The following SPECC1 variants were observed in gnomAD, a reference collection of about 807,000 sequenced individuals.
SPECC1 encodes the protein cytospin-B.
Under a neutral mutation model 104.1 loss-of-function variants are expected in SPECC1, and 62 were observed. That is an observed-to-expected ratio of 0.60 (90% confidence interval 0.49 to 0.74). The LOEUF (loss-of-function observed/expected upper bound fraction) is 0.74, where lower values mean the gene tolerates loss of function less well. Among genes scored for constraint, SPECC1 ranks in the 30% least tolerant of loss-of-function variants. The pLI is 0.00. For synonymous variants in SPECC1, 513 were observed against 501.6 expected, an observed-to-expected ratio of 1.02 and a Z score of -0.30; for missense variants, 1,306 against 1,310.5, an observed-to-expected ratio of 1.00 and a Z score of 0.05.
At chr17:20,042,504 G>T (rs7214784) in intron 1 of SPECC1, among the ~76,000 whole-genome samples, 10,099 of 152,256 alleles carry the variant, frequency 0.066, 952 homozygotes, top group African/African-American at 0.21. Flanking sequence ...TGACACTGCT[G>T]GCGGGTGAGG....
chr17:20,104,740 CAAAAAAAAAAAAAAAAAAAA>C (rs745893309), intron 2 of SPECC1, among the ~76,000 whole-genome samples: 1 of 57,240 alleles, frequency 1.7e-5, no homozygotes, highest in Non-Finnish European at 3.1e-5. Flanking sequence ...GAGACTGTCT[CAAAAAAAAAAAAAAAAAAAA>C]AAAAAAGAAA....
intron 12 of SPECC1, among the ~76,000 whole-genome samples, chr17:20,289,468 A>C (rs1316732338): frequency 6.6e-6 from 1 of 151,932 alleles, no homozygotes; most frequent in South Asian, 2.1e-4. Flanking sequence ...TGCCTGGCTA[A>C]TTTTTTGTAT....
chr17:20,238,097 G>C (rs779246214), intron 7 of SPECC1: 22 of 1,026,988 alleles, frequency 2.1e-5, no homozygotes, highest in Non-Finnish European at 2.6e-5. Flanking sequence ...TCATTACCTC[G>C]TCTGAAACAA....
At chr17:20,222,590 G>A (rs989450493) in intron 4 of SPECC1, among the ~76,000 whole-genome samples, 3 of 152,180 alleles carry the variant, frequency 2.0e-5, no homozygotes, top group Non-Finnish European at 4.4e-5. Context: ...TTGAAAAGTT[G>A]TAGTTATTTC....
chr17:20,188,172 A>G (rs952831615), intron 3 of SPECC1, among the ~76,000 whole-genome samples: 17 of 152,238 alleles, frequency 1.1e-4, no homozygotes, highest in African/African-American at 4.1e-4. Flanking sequence ...GCCACTTTGA[A>G]TGAAAAATTA....
chr17:20,214,046 C>T (rs1018165751), intron 4 of SPECC1, among the ~76,000 whole-genome samples: 1 of 152,178 alleles, frequency 6.6e-6, no homozygotes, highest in African/African-American at 2.4e-5. Context: ...CCCTCCAAGA[C>T]CGCCTCCCTC....
chr17:20,269,975 G>A (rs535220939), intron 12 of SPECC1, among the ~76,000 whole-genome samples: 2 of 152,290 alleles, frequency 1.3e-5, no homozygotes, highest in African/African-American at 4.8e-5. Flanking sequence ...AATGTTCCCT[G>A]AAGACGTGTT....
At chr17:20,129,281 T>C (rs1363239562) in intron 3 of SPECC1, among the ~76,000 whole-genome samples, 1 of 147,896 alleles carries the variant, frequency 6.8e-6, no homozygotes. Context: ...GCCTCCCGGG[T>C]TCAAGCCATT....
At chr17:20,037,176 T>A (rs956756213) in intron 1 of SPECC1, among the ~76,000 whole-genome samples, 30 of 152,216 alleles carry the variant, frequency 2.0e-4, no homozygotes, top group African/African-American at 7.2e-4. Flanking sequence ...GGTGTATAAT[T>A]ATTTTTATAT....
At chr17:20,203,461 ACAAGTAT>A (rs1309258868) in intron 3 of SPECC1, among the ~76,000 whole-genome samples, 1 of 152,240 alleles carries the variant, frequency 6.6e-6, no homozygotes, top group African/African-American at 2.4e-5. Flanking sequence ...ATTTGCTGTT[ACAAGTAT>A]TCTGTATTAT....
chr17:20,270,810 T>G (rs546846702), intron 12 of SPECC1, among the ~76,000 whole-genome samples: 1 of 152,216 alleles, frequency 6.6e-6, no homozygotes, highest in Non-Finnish European at 1.5e-5. Flanking sequence ...TCATTAAGGT[T>G]ATTTAGTTTA....
chr17:20,077,792 A>G (rs190310188), intron 1 of SPECC1, among the ~76,000 whole-genome samples: 5 of 152,192 alleles, frequency 3.3e-5, no homozygotes. Flanking sequence ...ATGTAGAGAG[A>G]ATGAGTTGTG....
chr17:20,132,395 A>G (rs1254234768), intron 3 of SPECC1, among the ~76,000 whole-genome samples: 2 of 152,322 alleles, frequency 1.3e-5, no homozygotes, highest in East Asian at 3.9e-4. Context: ...ATACTACTTC[A>G]TAAAGTAAAC....
rs1027190268 is a variant in SPECC1 at position 20,239,982 on chromosome 17, C to T, written c.2352-5944C>T. Reference sequence around the variant, plus strand: ...AGTCATGGCTCACTGCAGCCTCAACCTCCTGGACTTGAGCAGTCCTCCCAC... The same window carrying T: ...AGTCATGGCTCACTGCAGCCTCAACTTCCTGGACTTGAGCAGTCCTCCCAC... On this transcript the variant is annotated intron_variant, in intron 7 of 14. Coordinates refer to ENST00000395527, the MANE Select transcript of SPECC1 (RefSeq NM_001243439.2). 4.2e-5 allele frequency among the ~76,000 whole-genome samples: 6 copies of T among 141,432 alleles called. No individual in the cohort carries two copies. In the East Asian group the frequency reaches 1.3e-3, roughly 30 times the overall value. The allele number at this position is 141,432 out of a possible 152,430, so 92.8% of individuals were successfully genotyped here.
chr17:20,084,772 G>A (rs1171716215), intron 1 of SPECC1, among the ~76,000 whole-genome samples: 2 of 152,038 alleles, frequency 1.3e-5, no homozygotes, highest in Non-Finnish European at 2.9e-5. Flanking sequence ...TCACCTTTAG[G>A]TCAATGGGCT....
intron 1 of SPECC1, among the ~76,000 whole-genome samples, chr17:20,055,286 A>G (rs756337576): frequency 6.6e-6 from 1 of 151,420 alleles, no homozygotes; most frequent in Non-Finnish European, 1.5e-5. Context: ...TAGAGGCTGA[A>G]TAGTACTCCA....
chr17:20,248,946 C>T (rs1332731858), intron 9 of SPECC1, among the ~76,000 whole-genome samples: 1 of 152,008 alleles, frequency 6.6e-6, no homozygotes, highest in Admixed American at 6.6e-5. Context: ...TTAAGGAAGT[C>T]TTTTATTTCT....
intron 12 of SPECC1, among the ~76,000 whole-genome samples, chr17:20,286,213 C>T (rs769960793): frequency 6.0e-4 from 92 of 152,264 alleles, no homozygotes; most frequent in Middle Eastern, 3.4e-3. Flanking sequence ...TCTTCATGTT[C>T]CCCTGGTTAC....
chr17:20,127,491 G>A lies in SPECC1; in HGVS notation c.283+16929G>A, dbSNP rs572447935. On this transcript the variant is annotated intron_variant, in intron 3 of 14. Transcript: ENST00000395527. ...AGACTCTCACTCTTTTGCCCAGGCT[G>A]AAGTGTAGTGGCGTGACCATAGCTC... Among the ~76,000 whole-genome samples, 225 of 136,086 alleles carry A rather than the reference G, an allele frequency of 1.7e-3. 2 individuals are homozygous for A. Among genetic ancestry groups the A allele is most frequent in the African/African-American group, 5.8e-3 (211 of 36,682 alleles). 89.3% of individuals were successfully genotyped at this position (136,086 alleles called of 152,430 possible).
Sources: allele counts gnomAD v4.1 joint callset (sites outside exome capture counted in the v4.1 genomes callset), GRCh38; gene constraint gnomAD v4.1.1; transcripts MANE v1.5; gene names NCBI Gene and HGNC (gene_info 2026-07-23, HGNC 2026-07-21).